TMPO: variants seen among roughly 807,000 people sequenced by gnomAD.
TMPO encodes thymopoietin, also known as LEM domain containing 4.
TMPO carries 22 observed loss-of-function variants against 45.4 expected under a neutral mutation model. That is an observed-to-expected ratio of 0.48 (90% CI 0.35 to 0.69). The LOEUF is 0.69. TMPO is among the 30% of genes least tolerant of loss of function. The pLI is 0.01. For synonymous variants in TMPO, 241 were observed against 204.1 expected, an observed-to-expected ratio of 1.18 and a Z score of -1.54; for missense variants, 512 against 548.8, an observed-to-expected ratio of 0.93 and a Z score of 0.67.
At chr12:98,536,761 G>A (rs1451711641) in intron 3 of TMPO, among the ~76,000 whole-genome samples, 6 of 152,166 alleles carry the variant, frequency 3.9e-5, no homozygotes, top group African/African-American at 9.7e-5. Context: ...ATATCCTTGC[G>A]TTGTTAGGTT....
chr12:98,516,361 G>A, intron 1 of TMPO: 1 of 1,218,166 alleles, frequency 8.2e-7, no homozygotes, highest in East Asian at 3.5e-5. Flanking sequence ...GTTCTTTGAC[G>A]TGTGGGTCTG....
At position 98,515,603 on chromosome 12, in the gene TMPO, C is replaced by A. The variant is rs1426713858; in HGVS notation, c.-265C>A. The stretch of plus-strand genomic sequence containing the variant: ...TGGGGCGTGGGCGAAGCAGGCTGCT[C>A]GCCTCCTGCCTGTAGTGTGTGGGCT... On this transcript the variant is annotated 5_prime_UTR_variant, in exon 1 of 9. Transcript: ENST00000556029. 3 of 559,146 alleles carry A rather than the reference C, an allele frequency of 5.4e-6. No individual in the cohort carries two copies. The highest frequency in any genetic ancestry group is 2.0e-5 in the African/African-American group (1 of 51,218). The allele number at this position is 559,146 out of a possible 1,614,324, so 34.6% of individuals were successfully genotyped here. A position where few individuals can be genotyped will look rare whatever the true frequency, so the allele number is the denominator to read the frequency against.
At position 98,546,412 on chromosome 12, in the gene TMPO, G is replaced by A. The variant is rs141552430; in HGVS notation, c.1044G>A (p.Met348Ile). ...TAGAAAGGGATATTCTTAAGGAAAT[G>A]TTCCCCTATGAAGCATCTACACCAA... is the stretch of plus-strand genomic sequence containing the variant. Reference protein sequence around the residue: ...RRVERDILKEMFPYEASTPTG... With the variant: ...RRVERDILKEIFPYEASTPTG... Residue 348 changes from methionine to isoleucine, a missense_variant, in exon 8 of 9, where the codon ATG becomes ATA. Physicochemically the swap from Met to Ile is conservative, Grantham distance 10. Coordinates refer to ENST00000556029, the MANE Select transcript of TMPO (RefSeq NM_001032283.3). The A allele has an allele frequency of 1.2e-6, 2 of 1,611,886 alleles. No individual in the cohort carries two copies. The highest frequency in any genetic ancestry group is 8.5e-7 in the Non-Finnish European group (1 of 1,178,386).
At chr12:98,541,578 G>A (rs1877917688) in intron 4 of TMPO, among the ~76,000 whole-genome samples, 2 of 152,180 alleles carry the variant, frequency 1.3e-5, no homozygotes, top group Admixed American at 6.5e-5. Flanking sequence ...CCACTAGAAT[G>A]TAATGTCAAA....
At chr12:98,525,472 G>A (rs1876692864) in intron 1 of TMPO, among the ~76,000 whole-genome samples, 1 of 152,138 alleles carries the variant, frequency 6.6e-6, no homozygotes. Flanking sequence ...CAGGTTCCAT[G>A]GCTCACGCCC....
At chr12:98,533,627 T>C (rs756429442) in intron 3 of TMPO, 20 of 1,614,236 alleles carry the variant, frequency 1.2e-5, no homozygotes, top group Non-Finnish European at 1.7e-5. Flanking sequence ...TCCGAACTGA[T>C]GTCTTCTTTT....
intron 4 of TMPO, among the ~76,000 whole-genome samples, chr12:98,543,445 A>T (rs980455404): frequency 6.6e-6 from 1 of 152,250 alleles, no homozygotes; most frequent in Admixed American, 6.5e-5. Flanking sequence ...GCACATTACA[A>T]TTTAAGAAGA....
chr12:98,547,888 T>C lies in TMPO; in HGVS notation c.*30T>C. ...TATCTCTTTGGCACGTTCAACTTGG[T>C]CTCCTATTTTCAATAACTGTTGAAA... is the stretch of plus-strand genomic sequence containing the variant. On this transcript the variant is annotated 3_prime_UTR_variant, in exon 9 of 9. Transcript: ENST00000556029. 1 of 1,610,244 alleles carries C rather than the reference T, an allele frequency of 6.2e-7. No individual in the cohort carries two copies. The highest frequency in any genetic ancestry group is 1.1e-5 in the South Asian group (1 of 90,046).
At position 98,536,203 on chromosome 12, in the gene TMPO, C is replaced by A. The variant is rs546176459; in HGVS notation, c.566-1272C>A. On this transcript the variant is annotated intron_variant, in intron 3 of 8. Transcript: ENST00000556029. ...CATATAGATGTCTTGACCACTTTTT[C>A]ACACAAGTTCAGAGTTCATGTAAAA... Among the ~76,000 whole-genome samples the A allele has an allele frequency of 6.0e-4, 92 of 152,320 alleles. No homozygotes were observed. In the South Asian group the frequency reaches 0.019, roughly 32 times the overall value.
intron 3 of TMPO, chr12:98,533,388 C>G (rs1366034764): frequency 1.2e-6 from 2 of 1,614,068 alleles, no homozygotes; most frequent in Non-Finnish European, 1.7e-6. Flanking sequence ...CCCAGGCAAT[C>G]AGAGATTATG....
At chr12:98,521,778 G>A (rs552905813) in intron 1 of TMPO, among the ~76,000 whole-genome samples, 1 of 152,284 alleles carries the variant, frequency 6.6e-6, no homozygotes, top group South Asian at 2.1e-4. Flanking sequence ...CATCCAGGCT[G>A]GAGTGCAGTG....
At chr12:98,531,525 A>G (rs964098786) in intron 2 of TMPO, among the ~76,000 whole-genome samples, 155 bp from the exon 3 acceptor site, 3 of 151,692 alleles carry the variant, frequency 2.0e-5, no homozygotes, top group Non-Finnish European at 4.4e-5. Context: ...GTGAGCCACT[A>G]TGTCTGGCCG....
At chr12:98,533,056 T>C (rs1328781298) in intron 3 of TMPO, 1 of 1,613,722 alleles carries the variant, frequency 6.2e-7, no homozygotes, top group Non-Finnish European at 8.5e-7. Context: ...CAGGGGACAG[T>C]TGCAGAAGTT....
chr12:98,544,683 C>A (rs1237450380), intron 6 of TMPO, 146 bp downstream of exon 6: 5 of 725,386 alleles, frequency 6.9e-6, no homozygotes, highest in Non-Finnish European at 9.0e-6. Flanking sequence ...CCATATAGTT[C>A]TGAATTTTAG....
chr12:98,533,823 T>G (rs1877380059), intron 3 of TMPO: 1 of 1,614,192 alleles, frequency 6.2e-7, no homozygotes, highest in Non-Finnish European at 8.5e-7. Flanking sequence ...AATATCCAGT[T>G]TCTTCCAGGG....
intron 4 of TMPO, among the ~76,000 whole-genome samples, chr12:98,543,208 G>A (rs1046714354): frequency 6.6e-6 from 1 of 152,162 alleles, no homozygotes; most frequent in Non-Finnish European, 1.5e-5. Context: ...AAAACCATCA[G>A]TAATCTAGGT....
chr12:98,516,605 T>A (rs2121100394), intron 1 of TMPO: 8 of 939,772 alleles, frequency 8.5e-6, no homozygotes, highest in Non-Finnish European at 8.9e-6. Context: ...CTGATGACAC[T>A]CTAATTTCTA....
chr12:98,535,301 T>C (rs1361302452), intron 3 of TMPO: 3 of 982,596 alleles, frequency 3.1e-6, no homozygotes, highest in African/African-American at 3.5e-5. Context: ...TAAGAAATTA[T>C]ACTATATCCC....
chr12:98,549,693 ATACT>A lies in TMPO; in HGVS notation c.*1840_*1843del, dbSNP rs1163542795. 3.9e-5 allele frequency: 6 copies of A among 152,258 alleles called. No homozygotes were observed. Among genetic ancestry groups the A allele is most frequent in the East Asian group, 3.8e-4 (2 of 5,208 alleles). 9.4% of individuals were successfully genotyped at this position (152,258 alleles called of 1,614,324 possible). A position where few individuals can be genotyped will look rare whatever the true frequency, so the allele number is the denominator to read the frequency against. ...ATTTTTAAATACATCTGAAATAAAAATACTTACTAAAAAGGAAGAAGCCGAAGAT... is the reference window on the plus strand; with the variant it reads ...ATTTTTAAATACATCTGAAATAAAAATACTAAAAAGGAAGAAGCCGAAGAT... On this transcript the variant is annotated 3_prime_UTR_variant, in exon 9 of 9. Transcript: ENST00000556029.
Sources: allele counts gnomAD v4.1 joint callset (sites outside exome capture counted in the v4.1 genomes callset), GRCh38; gene constraint gnomAD v4.1.1; transcripts MANE v1.5; gene names NCBI Gene and HGNC (gene_info 2026-07-23, HGNC 2026-07-21).